The following SEMA3D variants were observed in gnomAD, a reference collection of about 807,000 sequenced individuals.
SEMA3D encodes the protein semaphorin-3D.
A neutral mutation model predicts 100.1 loss-of-function variants in SEMA3D; 84 were observed. That is an observed-to-expected ratio of 0.84 (90% confidence interval 0.70 to 1.01). The LOEUF (loss-of-function observed/expected upper bound fraction) is 1.01, where lower values mean the gene tolerates loss of function less well. Among genes scored for constraint, SEMA3D ranks in the 50% least tolerant of loss-of-function variants. SEMA3D has a pLI of 0.00. For synonymous variants in SEMA3D, 312 were observed against 320.7 expected, an observed-to-expected ratio of 0.97 and a Z score of 0.29; for missense variants, 875 against 934.1, an observed-to-expected ratio of 0.94 and a Z score of 0.82.
At chr7:85,024,137 A>C (rs1222759238) in intron 12 of SEMA3D, among the ~76,000 whole-genome samples, 1 of 151,954 alleles carries the variant, frequency 6.6e-6, no homozygotes, top group Non-Finnish European at 1.5e-5. Context: ...CCTTGCATTA[A>C]ATAGATTAAG....
intron 1 of SEMA3D, among the ~76,000 whole-genome samples, chr7:85,169,910 T>C (rs2116543492): frequency 6.6e-6 from 1 of 151,896 alleles, no homozygotes; most frequent in South Asian, 2.1e-4. Context: ...AAAATAGTTT[T>C]AAATTTAAAT....
At chr7:85,051,238 G>T (rs1488340487) in intron 9 of SEMA3D, among the ~76,000 whole-genome samples, 2 of 151,852 alleles carry the variant, frequency 1.3e-5, no homozygotes, top group Non-Finnish European at 2.9e-5. Flanking sequence ...ATGGGAAGTA[G>T]AGCAAAATGT....
chr7:85,106,758 A>G (rs150805955), intron 3 of SEMA3D, among the ~76,000 whole-genome samples: 1 of 152,068 alleles, frequency 6.6e-6, no homozygotes, highest in Non-Finnish European at 1.5e-5. Context: ...GAAACTTACA[A>G]TCATGGTGGA....
At chr7:85,021,254 A>T (rs1790246878) in intron 13 of SEMA3D, among the ~76,000 whole-genome samples, 2 of 151,834 alleles carry the variant, frequency 1.3e-5, no homozygotes, top group Admixed American at 1.3e-4. Flanking sequence ...TTAGCAGTCT[A>T]TAATTTTCTC....
intron 2 of SEMA3D, among the ~76,000 whole-genome samples, chr7:85,139,437 A>G (rs1195185938): frequency 6.6e-6 from 1 of 152,148 alleles, no homozygotes; most frequent in Non-Finnish European, 1.5e-5. Flanking sequence ...TATCTTCACA[A>G]TGAAAACATC....
At chr7:85,089,642 A>T (rs879874161) in intron 4 of SEMA3D, among the ~76,000 whole-genome samples, 4 of 152,056 alleles carry the variant, frequency 2.6e-5, no homozygotes, top group Non-Finnish European at 4.4e-5. Context: ...GCACTTTGGG[A>T]TTACAAGTGA....
the SEMA3D span, among the ~76,000 whole-genome samples, chr7:85,245,099 T>C: frequency 2.6e-5 from 4 of 152,202 alleles, no homozygotes; most frequent in Non-Finnish European, 5.9e-5. Flanking sequence ...TTATAGAGTA[T>C]GTTAATGGTA....
chr7:85,066,672 G>A (rs1303624964), intron 7 of SEMA3D, among the ~76,000 whole-genome samples: 1 of 152,048 alleles, frequency 6.6e-6, no homozygotes, highest in Admixed American at 6.6e-5. Flanking sequence ...AGAGCATTTA[G>A]ACTTTATAAA....
intron 8 of SEMA3D, among the ~76,000 whole-genome samples, chr7:85,063,276 G>T (rs1791526161): frequency 6.6e-6 from 1 of 152,108 alleles, no homozygotes; most frequent in South Asian, 2.1e-4. Context: ...ACACTTTTAA[G>T]AGTAAAAGAA....
At chr7:85,012,716 A>G in intron 17 of SEMA3D, 66 bp downstream of exon 17, 2 of 1,208,342 alleles carry the variant, frequency 1.7e-6, no homozygotes, top group Non-Finnish European at 2.5e-6. Context: ...GTCATATAAT[A>G]AAAAGATACA....
At position 85,161,502 on chromosome 7, in the gene SEMA3D, T is replaced by C. The variant is rs28369275; in HGVS notation, c.-172-7763A>G. Among the ~76,000 whole-genome samples the C allele has an allele frequency of 7.0e-3, 1,070 of 152,212 alleles. 10 individuals carry two copies. The highest frequency in any genetic ancestry group is 0.024 in the African/African-American group (1,015 of 41,536). The stretch of plus-strand genomic sequence containing the variant: ...AGGGTATGAAAAACCCAGGCACCCA[T>C]GGCCTCTGGAGGGGCAAAGAAGACA... On this transcript the variant is annotated intron_variant, in intron 1 of 18. Transcript: ENST00000284136.
At chr7:85,197,421 A>G in the SEMA3D span, among the ~76,000 whole-genome samples, 1 of 152,216 alleles carries the variant, frequency 6.6e-6, no homozygotes, top group African/African-American at 2.4e-5. Flanking sequence ...TCAACCAGAA[A>G]ATGTTTAAAT....
At chr7:85,110,537 C>T (rs1435908378) in intron 3 of SEMA3D, among the ~76,000 whole-genome samples, 1 of 151,880 alleles carries the variant, frequency 6.6e-6, no homozygotes, top group African/African-American at 2.4e-5. Flanking sequence ...TTTAACCTAG[C>T]TTTCCTTCTA....
At chr7:85,185,138 CAT>C (rs1263781642) in intron 1 of SEMA3D, among the ~76,000 whole-genome samples, 2 of 152,180 alleles carry the variant, frequency 1.3e-5, no homozygotes, top group Non-Finnish European at 2.9e-5. Context: ...GGAGTGATGA[CAT>C]GTGGCTCTCT....
chr7:85,120,558 C>T lies in SEMA3D; in HGVS notation c.151+1183G>A, dbSNP rs572821877. ...TGGTGGGCACCTGTAATCCCAGCTA[C>T]TCAGGAGGCTGAGGTGGGAGAGTCG... On this transcript the variant is annotated intron_variant, in intron 3 of 18. Coordinates refer to ENST00000284136, the MANE Select transcript of SEMA3D (RefSeq NM_001384900.1). 9.3e-5 allele frequency among the ~76,000 whole-genome samples: 14 copies of T among 151,132 alleles called. No homozygotes were observed. In the East Asian group the frequency reaches 2.8e-3, roughly 30 times the overall value.
intron 9 of SEMA3D, chr7:85,050,713 G>A: frequency 1.9e-6 from 1 of 516,798 alleles, no homozygotes; most frequent in Non-Finnish European, 3.4e-6. Context: ...CTTTGACTAT[G>A]TTCAGAAATA....
intron 3 of SEMA3D, among the ~76,000 whole-genome samples, chr7:85,116,280 TATAC>T (rs1308867179): frequency 2.0e-5 from 3 of 147,042 alleles, no homozygotes; most frequent in Non-Finnish European, 4.5e-5. Flanking sequence ...TATACAATTG[TATAC>T]ATATACAATT....
At chr7:85,009,102 A>C (rs1297729661) in intron 17 of SEMA3D, among the ~76,000 whole-genome samples, 1 of 151,730 alleles carries the variant, frequency 6.6e-6, no homozygotes, top group Non-Finnish European at 1.5e-5. Context: ...AAATGTGTAA[A>C]AGTTATATAC....
At chr7:85,139,977 C>T (rs543272513) in intron 2 of SEMA3D, 1 of 266,718 alleles carries the variant, frequency 3.7e-6, no homozygotes, top group East Asian at 1.8e-4. Context: ...ACATTGTAAA[C>T]TATTATAACC....
Sources: gnomAD v4.1 joint callset for allele counts (sites outside exome capture counted in the v4.1 genomes callset) on GRCh38, gnomAD v4.1.1 for gene constraint, MANE v1.5 for transcripts, NCBI Gene and HGNC (gene_info 2026-07-23, HGNC 2026-07-21) for gene names.